Variants in MAGI3 observed in about 807,000 individuals in gnomAD.
MAGI3 encodes membrane-associated guanylate kinase, WW and PDZ domain-containing protein 3.
MAGI3 carries 43 observed loss-of-function variants against 121.8 expected under a neutral mutation model. That is an observed-to-expected ratio of 0.35 (90% CI 0.28 to 0.46). The LOEUF (loss-of-function observed/expected upper bound fraction) is 0.46, where lower values mean the gene tolerates loss of function less well. Ranked by LOEUF, MAGI3 falls within the 20% of genes least tolerant of loss-of-function variation. MAGI3 has a pLI of 1.00. For missense variants in MAGI3, 1,547 were observed against 1,797.3 expected, an observed-to-expected ratio of 0.86 and a Z score of 2.52; for synonymous variants, 553 against 639.3, an observed-to-expected ratio of 0.86 and a Z score of 2.04.
intron 16 of MAGI3, among the ~76,000 whole-genome samples, chr1:113,662,373 G>T (rs548821151): frequency 5.3e-5 from 8 of 152,058 alleles, no homozygotes; most frequent in Non-Finnish European, 1.0e-4. Context: ...CTCTGCCATG[G>T]TATCTTGTTT....
intron 1 of MAGI3, among the ~76,000 whole-genome samples, chr1:113,512,417 C>CTAGTCA (rs1223061362): frequency 6.6e-6 from 1 of 152,286 alleles, no homozygotes; most frequent in East Asian, 1.9e-4. Context: ...AGAGGGAGAA[C>CTAGTCA]TAGTCACTAC....
chr1:113,440,447 G>T (rs1361372685), intron 1 of MAGI3, among the ~76,000 whole-genome samples: 1 of 152,150 alleles, frequency 6.6e-6, no homozygotes, highest in African/African-American at 2.4e-5. Flanking sequence ...AGCAGAAAAA[G>T]GAATGGTATC....
At chr1:113,598,590 G>A (rs1649168484) in intron 6 of MAGI3, among the ~76,000 whole-genome samples, 1 of 151,664 alleles carries the variant, frequency 6.6e-6, no homozygotes, top group Admixed American at 6.6e-5. Context: ...AGACAAAGAA[G>A]GTCATTATAC....
Position 113,673,396 on chromosome 1 carries a change from G to T in MAGI3, c.3120G>T (p.Glu1040Asp), listed in dbSNP as rs754189647. 6.2e-7 allele frequency: 1 copy of T among 1,612,500 alleles called. No individual in the cohort carries two copies. The highest frequency in any genetic ancestry group is 1.3e-5 in the African/African-American group (1 of 74,848). The change falls in exon 19 of 21, where the codon GAG becomes GAT. Residue 1040 changes from glutamate (E) to aspartate (D), a missense_variant. Transcript: ENST00000307546. ...GFGFSLRGGKEYNMGLFILRL... is the reference protein window; with the variant it reads ...GFGFSLRGGKDYNMGLFILRL... Reference sequence around the variant, plus strand: ...GATTCAGCCTCCGAGGGGGGAAGGAGTACAACATGGGGCTGTTCATCCTTC... The same window carrying T: ...GATTCAGCCTCCGAGGGGGGAAGGATTACAACATGGGGCTGTTCATCCTTC...
chr1:113,622,622 T>G (rs1650896980), intron 8 of MAGI3, among the ~76,000 whole-genome samples, 184 bp from the exon 9 acceptor site: 2 of 152,130 alleles, frequency 1.3e-5, no homozygotes, highest in South Asian at 4.1e-4. Context: ...AGAAATTGAG[T>G]GCTAAAGGTT....
chr1:113,521,407 T>G (rs1658188850), intron 1 of MAGI3, among the ~76,000 whole-genome samples: 2 of 125,418 alleles, frequency 1.6e-5, no homozygotes, highest in Non-Finnish European at 1.7e-5. Flanking sequence ...TTTTTTTTTG[T>G]TTTTTGTTTT....
chr1:113,536,286 G>A (rs1475018437), intron 1 of MAGI3, among the ~76,000 whole-genome samples: 1 of 151,998 alleles, frequency 6.6e-6, no homozygotes, highest in East Asian at 1.9e-4. Context: ...TTGCCACTGT[G>A]TCATACAAAA....
At chr1:113,405,826 C>A (rs1651653792) in intron 1 of MAGI3, among the ~76,000 whole-genome samples, 1 of 152,084 alleles carries the variant, frequency 6.6e-6, no homozygotes, top group South Asian at 2.1e-4. Context: ...AAAAAACTGA[C>A]CTTGTATAGA....
intron 1 of MAGI3, among the ~76,000 whole-genome samples, chr1:113,392,510 T>C (rs1412927927): frequency 6.6e-6 from 1 of 152,216 alleles, no homozygotes; most frequent in African/African-American, 2.4e-5. Context: ...AATATATCTT[T>C]AATAGTCCTT....
At chr1:113,427,745 A>G (rs961769985) in intron 1 of MAGI3, among the ~76,000 whole-genome samples, 1 of 152,254 alleles carries the variant, frequency 6.6e-6, no homozygotes, top group Non-Finnish European at 1.5e-5. Context: ...GTCAGGACTG[A>G]AAGTCTCAAT....
At chr1:113,540,396 G>T (rs575444500) in intron 1 of MAGI3, among the ~76,000 whole-genome samples, 1 of 152,310 alleles carries the variant, frequency 6.6e-6, no homozygotes, top group African/African-American at 2.4e-5. Context: ...GGGGAGGAGA[G>T]ATGAAAAGAT....
chr1:113,655,704 A>ATG (rs1653430492), intron 15 of MAGI3, among the ~76,000 whole-genome samples: 1 of 152,106 alleles, frequency 6.6e-6, no homozygotes, highest in Non-Finnish European at 1.5e-5. Context: ...AGTCCTGCTT[A>ATG]TGTCTTTTAA....
chr1:113,631,688 G>C (rs1010488087), intron 9 of MAGI3, among the ~76,000 whole-genome samples: 2 of 151,874 alleles, frequency 1.3e-5, no homozygotes, highest in African/African-American at 4.8e-5. Flanking sequence ...TGTTTATCAT[G>C]GTATCAAATT....
At chr1:113,438,649 TG>T (rs1653757491) in intron 1 of MAGI3, among the ~76,000 whole-genome samples, 1 of 152,156 alleles carries the variant, frequency 6.6e-6, no homozygotes, top group Non-Finnish European at 1.5e-5. Context: ...GTGTGTTGCC[TG>T]GTGAGAGAGA....
chr1:113,426,157 T>G (rs1261372936), intron 1 of MAGI3, among the ~76,000 whole-genome samples: 1 of 152,250 alleles, frequency 6.6e-6, no homozygotes, highest in Non-Finnish European at 1.5e-5. Context: ...CTGTTTGTCA[T>G]ATGGATTATT....
intron 1 of MAGI3, among the ~76,000 whole-genome samples, chr1:113,413,212 C>A (rs544591253): frequency 6.6e-6 from 1 of 151,988 alleles, no homozygotes; most frequent in Non-Finnish European, 1.5e-5. Flanking sequence ...ATTTCTGAGG[C>A]CTCTGTTCTG....
At chr1:113,474,232 T>A (rs1042842316) in intron 1 of MAGI3, among the ~76,000 whole-genome samples, 1 of 152,218 alleles carries the variant, frequency 6.6e-6, no homozygotes, top group Non-Finnish European at 1.5e-5. Flanking sequence ...ACTCTGATGG[T>A]AGTTTCTTTT....
intron 3 of MAGI3, 67 bp from the exon 4 acceptor site, chr1:113,585,320 C>T: frequency 1.4e-6 from 2 of 1,433,334 alleles, no homozygotes; most frequent in Non-Finnish European, 2.0e-6. Context: ...GAGACATACA[C>T]TAGGTCAAAT....
At chr1:113,533,215 G>T (rs1014552986) in intron 1 of MAGI3, among the ~76,000 whole-genome samples, 3 of 152,102 alleles carry the variant, frequency 2.0e-5, no homozygotes, top group Non-Finnish European at 4.4e-5. Context: ...AAAAATAAAA[G>T]AAAATGTGGT....
Sources: allele counts gnomAD v4.1 joint callset (sites outside exome capture counted in the v4.1 genomes callset), GRCh38; gene constraint gnomAD v4.1.1; transcripts MANE v1.5; gene names NCBI Gene and HGNC (gene_info 2026-07-23, HGNC 2026-07-21).